Variants in NTNG1 observed in about 807,000 individuals in gnomAD.
NTNG1 encodes netrin-G1.
Under a neutral mutation model 54.0 loss-of-function variants are expected in NTNG1, and 16 were observed. That is an observed-to-expected ratio of 0.30 (90% confidence interval 0.20 to 0.45). The LOEUF (loss-of-function observed/expected upper bound fraction) is 0.45, where lower values mean the gene tolerates loss of function less well. NTNG1 is among the 20% of genes least tolerant of loss of function. The probability of loss-of-function intolerance (pLI) is 1.00; values close to 1 mark genes in which losing one functional copy is unlikely to be tolerated. For synonymous variants in NTNG1, 255 were observed against 263.1 expected (o/e 0.97, Z 0.30); for missense variants, 530 against 678.7 (o/e 0.78, Z 2.43).
intron 3 of NTNG1, among the ~76,000 whole-genome samples, chr1:107,327,804 A>C (rs1313198736): frequency 6.6e-6 from 1 of 152,098 alleles, no homozygotes; most frequent in East Asian, 1.9e-4. Context: ...GAGAATTCAA[A>C]ATTTTTTTAC....
At position 107,373,570 on chromosome 1, in the gene NTNG1, C is replaced by CT. The variant is rs572377349; in HGVS notation, c.888-21568dup. Among the ~76,000 whole-genome samples the CT allele has an allele frequency of 1.5e-3, 205 of 136,038 alleles. 1 individual carries two copies. Among genetic ancestry groups the CT allele is most frequent in the East Asian group, 4.6e-3 (22 of 4,746 alleles). 89.2% of individuals were successfully genotyped at this position (136,038 alleles called of 152,430 possible). On this transcript the variant is annotated intron_variant, in intron 3 of 7. Transcript: ENST00000370068. ...TAAATGCAGAATTCCGTATGTTATC[C>CT]TTTTTTTTTTTTTTTTCCTAAAGGA...
chr1:107,354,847 A>G (rs1014153772), intron 3 of NTNG1, among the ~76,000 whole-genome samples: 19 of 152,142 alleles, frequency 1.2e-4, no homozygotes, highest in African/African-American at 4.3e-4. Context: ...GGGAATGCCT[A>G]TTGCCTGAGT....
chr1:107,209,421 G>A (rs552887255), intron 2 of NTNG1, among the ~76,000 whole-genome samples: 4 of 152,232 alleles, frequency 2.6e-5, no homozygotes, highest in South Asian at 2.1e-4. Flanking sequence ...TAAGACAGTC[G>A]TATGAAAAAG....
At chr1:107,375,089 T>C (rs182590490) in intron 3 of NTNG1, among the ~76,000 whole-genome samples, 28 of 152,344 alleles carry the variant, frequency 1.8e-4, no homozygotes, top group African/African-American at 5.8e-4. Context: ...CCTGCCTTCA[T>C]GTAGTTTCTT....
chr1:107,140,855 A>C (rs1653606644), upstream of NTNG1: 1 of 152,646 alleles, frequency 6.6e-6, no homozygotes, highest in Non-Finnish European at 1.5e-5. Context: ...GAGGCAGCGG[A>C]GCGAGGAGGC....
At chr1:107,265,344 T>C (rs1345859834) in intron 2 of NTNG1, among the ~76,000 whole-genome samples, 1 of 152,200 alleles carries the variant, frequency 6.6e-6, no homozygotes, top group Non-Finnish European at 1.5e-5. Context: ...AAAAGGATTT[T>C]CTTTCATGAC....
intron 3 of NTNG1, among the ~76,000 whole-genome samples, chr1:107,372,974 T>C (rs947464473): frequency 4.6e-5 from 7 of 152,204 alleles, no homozygotes; most frequent in African/African-American, 1.4e-4. Context: ...GGGTTAGTGT[T>C]AGCATGATCT....
At chr1:107,294,052 G>A (rs1387167723) in intron 2 of NTNG1, among the ~76,000 whole-genome samples, 1 of 152,168 alleles carries the variant, frequency 6.6e-6, no homozygotes, top group Non-Finnish European at 1.5e-5. Flanking sequence ...TGGACAACCA[G>A]GGCAGAGCCT....
chr1:107,361,373 ACATATATATATATATATATT>A (rs1195609221), intron 3 of NTNG1, among the ~76,000 whole-genome samples: 1 of 47,462 alleles, frequency 2.1e-5, no homozygotes, highest in African/African-American at 7.0e-5. Context: ...ATATATATAT[ACATATATATATATATATATT>A]TTTTTTTTTT....
intron 2 of NTNG1, among the ~76,000 whole-genome samples, chr1:107,223,213 CT>C (rs1196557029): frequency 1.3e-5 from 2 of 151,804 alleles, no homozygotes; most frequent in Non-Finnish European, 2.9e-5. Context: ...TGGTATCTAC[CT>C]TTTGTAGGGT....
intron 2 of NTNG1, among the ~76,000 whole-genome samples, chr1:107,154,178 A>C (rs1654793311): frequency 6.6e-6 from 1 of 152,180 alleles, no homozygotes; most frequent in South Asian, 2.1e-4. Context: ...TAGAGAAATA[A>C]GACCAGCACT....
intron 7 of NTNG1, among the ~76,000 whole-genome samples, chr1:107,452,546 A>T (rs1558010259): frequency 6.6e-6 from 1 of 152,096 alleles, no homozygotes; most frequent in Admixed American, 6.6e-5. Context: ...ATGGGGGTAG[A>T]TCCCTCATGA....
At chr1:107,279,981 C>A (rs1570572086) in intron 2 of NTNG1, among the ~76,000 whole-genome samples, 1 of 151,190 alleles carries the variant, frequency 6.6e-6, no homozygotes, top group Non-Finnish European at 1.5e-5. Context: ...CTTTTGGCCT[C>A]CAGTGTTGCT....
chr1:107,429,547 A>T (rs1261256268), intron 5 of NTNG1, among the ~76,000 whole-genome samples: 1 of 152,174 alleles, frequency 6.6e-6, no homozygotes, highest in Non-Finnish European at 1.5e-5. Flanking sequence ...AATGAATGAA[A>T]GAATGAATGA....
At chr1:107,345,475 C>T (rs1377519836) in intron 3 of NTNG1, among the ~76,000 whole-genome samples, 1 of 152,162 alleles carries the variant, frequency 6.6e-6, no homozygotes, top group Non-Finnish European at 1.5e-5. Flanking sequence ...ACAGAAGTTA[C>T]AAACATAGCA....
At position 107,407,666 on chromosome 1, in the gene NTNG1, TTTTC is replaced by T. The variant is rs1274445844; in HGVS notation, c.1061-12_1061-9del. The T allele has an allele frequency of 1.9e-6, 3 of 1,592,560 alleles. No homozygotes were observed. Among genetic ancestry groups the T allele is most frequent in the Non-Finnish European group, 2.6e-6 (3 of 1,168,416 alleles). On this transcript the variant is annotated splice_polypyrimidine_tract_variant and intron_variant, in intron 4 of 7. Transcript: ENST00000370068. ...AATAGCTAACAGCTTTTCTTTATTG[TTTTC>T]TTTTTCTCCAGGTATCCCCAGTATT...
intron 3 of NTNG1, among the ~76,000 whole-genome samples, chr1:107,370,504 AC>A (rs1478466474): frequency 1.3e-5 from 2 of 149,580 alleles, no homozygotes; most frequent in East Asian, 2.0e-4. Flanking sequence ...TTTATCCCTC[AC>A]CCCCCTTTCA....
At chr1:107,196,170 C>T (rs548637917) in intron 2 of NTNG1, among the ~76,000 whole-genome samples, 23 of 152,000 alleles carry the variant, frequency 1.5e-4, no homozygotes, top group Admixed American at 6.6e-4. Flanking sequence ...GGATCTCCTA[C>T]GTAGCAGTCA....
chr1:107,348,447 A>G (rs775146479), intron 3 of NTNG1, among the ~76,000 whole-genome samples: 1 of 152,016 alleles, frequency 6.6e-6, no homozygotes, highest in Non-Finnish European at 1.5e-5. Context: ...CTTAATCACT[A>G]TGTTAATACC....
Sources: allele counts gnomAD v4.1 joint callset (sites outside exome capture counted in the v4.1 genomes callset), GRCh38; gene constraint gnomAD v4.1.1; transcripts MANE v1.5; gene names NCBI Gene and HGNC (gene_info 2026-07-23, HGNC 2026-07-21).